Variants in TRABD2A observed in about 807,000 individuals in gnomAD.
TRABD2A encodes TraB domain containing 2A.
TRABD2A carries 43 observed loss-of-function variants against 45.6 expected under a neutral mutation model. The observed-to-expected ratio is 0.94, with a 90% confidence interval of 0.74 to 1.22. The LOEUF (loss-of-function observed/expected upper bound fraction) is 1.22, where lower values mean the gene tolerates loss of function less well. TRABD2A is among the 50% of genes most tolerant of loss of function. The pLI, the probability that TRABD2A is intolerant of heterozygous loss-of-function variation, is 0.00. For synonymous variants in TRABD2A, 269 were observed against 265.0 expected (o/e 1.02, Z -0.15); for missense variants, 642 against 652.4 (o/e 0.98, Z 0.17).
chr2:84,830,828 G>C lies in TRABD2A; in HGVS notation c.1082+1227C>G, dbSNP rs997994304. Among the ~76,000 whole-genome samples the C allele has an allele frequency of 3.9e-5, 6 of 152,166 alleles. No homozygotes were observed. The highest frequency in any genetic ancestry group is 8.8e-5 in the Non-Finnish European group (6 of 68,028). On this transcript the variant is annotated intron_variant, in intron 5 of 6. Coordinates refer to ENST00000409520, the MANE Select transcript of TRABD2A (RefSeq NM_001277053.2). This position sits in a 1 kb window ranked among gnomAD's most constrained non-coding sequence, Gnocchi z 4.9. Reference sequence around the variant, plus strand: ...AACAGGGAGACAAGGTGCAGTGAAGGGGGGCCTTCTGAGGAGAAAGAGGGC... The same window carrying C: ...AACAGGGAGACAAGGTGCAGTGAAGCGGGGCCTTCTGAGGAGAAAGAGGGC...
intron 1 of TRABD2A, among the ~76,000 whole-genome samples, chr2:84,879,129 T>A (rs1221314474): frequency 1.3e-5 from 2 of 152,192 alleles, no homozygotes; most frequent in Non-Finnish European, 2.9e-5. Flanking sequence ...TGTTGTGTTT[T>A]ACTACTATCT....
intron 5 of TRABD2A, among the ~76,000 whole-genome samples, chr2:84,828,885 G>C (rs1363592992): frequency 3.3e-5 from 5 of 152,320 alleles, no homozygotes; most frequent in Admixed American, 2.0e-4. Context: ...GGAGGAAGAT[G>C]TGGCAATTGT....
chr2:84,829,295 G>C (rs1024271461), intron 5 of TRABD2A, among the ~76,000 whole-genome samples: 2 of 151,446 alleles, frequency 1.3e-5, no homozygotes, highest in African/African-American at 2.4e-5. Context: ...ACGGATTCCT[G>C]ACCTTCCTTT....
chr2:84,847,524 T>C (rs1205505812), intron 2 of TRABD2A, among the ~76,000 whole-genome samples: 1 of 152,170 alleles, frequency 6.6e-6, no homozygotes, highest in East Asian at 1.9e-4. Flanking sequence ...GTACAAGGAC[T>C]GTTGTTCCTG....
At chr2:84,842,084 G>C in intron 2 of TRABD2A, 77 bp from the exon 3 acceptor site, 1 of 1,390,080 alleles carries the variant, frequency 7.2e-7, no homozygotes, top group Non-Finnish European at 9.4e-7. Context: ...TCCATGGCTG[G>C]AAATACCTTC....
At chr2:84,854,212 T>C (rs901829050) in intron 2 of TRABD2A, among the ~76,000 whole-genome samples, 6 of 152,156 alleles carry the variant, frequency 3.9e-5, no homozygotes, top group African/African-American at 1.4e-4. Flanking sequence ...GCGTAGGTTA[T>C]ATCCAAATGC....
intron 5 of TRABD2A, among the ~76,000 whole-genome samples, chr2:84,829,722 T>A (rs60480618): frequency 0.018 from 2,611 of 143,476 alleles, 60 homozygotes; most frequent in African/African-American, 0.061. Flanking sequence ...ACCACACACA[T>A]GCACAGTACC....
intron 2 of TRABD2A, among the ~76,000 whole-genome samples, chr2:84,845,568 GGC>G (rs386648049): frequency 5.5e-5 from 8 of 145,612 alleles, no homozygotes; most frequent in African/African-American, 1.7e-4. Flanking sequence ...GGGAGACAAG[GGC>G]GGGGGAAGAA....
At chr2:84,836,369 C>G (rs1292067251) in intron 4 of TRABD2A, 2 of 152,198 alleles carry the variant, frequency 1.3e-5, no homozygotes, top group Non-Finnish European at 2.9e-5. Flanking sequence ...TTGAGTATGT[C>G]TCCCATAGCC....
chr2:84,863,604 T>C (rs1389135264), intron 2 of TRABD2A, among the ~76,000 whole-genome samples: 22 of 88,220 alleles, frequency 2.5e-4, no homozygotes, highest in Non-Finnish European at 3.7e-4. Flanking sequence ...TTTCTTTTTT[T>C]TTTTTTTTTT....
chr2:84,832,079 G>T lies in TRABD2A; in HGVS notation c.1058C>A (p.Ala353Asp). Residue 353 changes from alanine (A) to aspartate (D), a missense_variant, in exon 5 of 7, where the codon GCC becomes GAC. Ala to Asp is a moderately radical substitution (Grantham distance 126, BLOSUM62 -2). Transcript: ENST00000409520. ...CTTGTGGATGGGTCGTCCAGCAGGG[G>T]CGTGTTCTACCTCATAGCCTTCACG... Reference protein sequence around the residue: ...LRREGYEVEHAPAGRPIHKGK... With the variant: ...LRREGYEVEHDPAGRPIHKGK... The T allele has an allele frequency of 6.2e-7, 1 of 1,614,028 alleles. No individual in the cohort carries two copies. The highest frequency in any genetic ancestry group is 8.5e-7 in the Non-Finnish European group (1 of 1,179,902).
intron 4 of TRABD2A, chr2:84,833,163 T>C (rs987863136): frequency 2.6e-5 from 4 of 152,200 alleles, no homozygotes; most frequent in African/African-American, 9.7e-5. Context: ...GGCAAAACCA[T>C]TCCCTCCCAT....
chr2:84,876,308 G>T lies in TRABD2A; in HGVS notation c.108+4624C>A, dbSNP rs568625198. The stretch of plus-strand genomic sequence containing the variant: ...CCAACAGGATGTCCACAGGAGAAAA[G>T]TTCTAGGAATAGACTCAGGGCCCTC... On this transcript the variant is annotated intron_variant, in intron 1 of 6. Transcript: ENST00000409520. Among the ~76,000 whole-genome samples, 5 of 152,280 alleles carry T rather than the reference G, an allele frequency of 3.3e-5. No homozygotes were observed. In the South Asian group the frequency reaches 8.3e-4, roughly 25 times the overall value.
intron 3 of TRABD2A, among the ~76,000 whole-genome samples, 171 bp downstream of exon 3, chr2:84,841,690 A>C (rs564174195): frequency 6.6e-6 from 1 of 152,356 alleles, no homozygotes; most frequent in African/African-American, 2.4e-5. Flanking sequence ...AGGTTTGTAA[A>C]GCTTTCATTC....
At chr2:84,870,824 G>A in intron 1 of TRABD2A, 39 bp from the exon 2 acceptor site, 1 of 1,497,826 alleles carries the variant, frequency 6.7e-7, no homozygotes, top group Non-Finnish European at 9.0e-7. Context: ...ATAATATGGG[G>A]GAGAGGCATG....
chr2:84,828,565 T>C (rs1485124816), intron 5 of TRABD2A, among the ~76,000 whole-genome samples: 1 of 152,098 alleles, frequency 6.6e-6, no homozygotes, highest in Non-Finnish European at 1.5e-5. Flanking sequence ...GAACAGGAGC[T>C]CCTTTGGAGA....
At position 84,821,792 on chromosome 2, in the gene TRABD2A, G is replaced by GGCC. The variant is rs1681006677; in HGVS notation, c.*122_*124dup. On this transcript the variant is annotated 3_prime_UTR_variant, in exon 7 of 7. Transcript: ENST00000409520. ...CTTGGAAAGAGAAGAATCAACACTG[G>GGCC]GCCGCTTTTTCAAGAGCAGTCTCTT... 5.8e-6 allele frequency: 6 copies of GGCC among 1,034,602 alleles called. No individual in the cohort carries two copies. In the East Asian group the frequency reaches 1.8e-4, roughly 32 times the overall value. The allele number at this position is 1,034,602 out of a possible 1,614,324, so 64.1% of individuals were successfully genotyped here. A position where few individuals can be genotyped will look rare whatever the true frequency, so the allele number is the denominator to read the frequency against.
At chr2:84,864,737 C>T (rs1682619672) in intron 2 of TRABD2A, among the ~76,000 whole-genome samples, 1 of 152,146 alleles carries the variant, frequency 6.6e-6, no homozygotes, top group South Asian at 2.1e-4. Context: ...TCTTAAGACC[C>T]ATGGCACTGA....
At chr2:84,863,337 T>C (rs1040229650) in intron 2 of TRABD2A, among the ~76,000 whole-genome samples, 10 of 141,092 alleles carry the variant, frequency 7.1e-5, no homozygotes, top group Admixed American at 3.8e-4. Context: ...CTCCGCCTCC[T>C]GGGTTCACAC....
Sources: gnomAD v4.1 joint callset for allele counts (sites outside exome capture counted in the v4.1 genomes callset) on GRCh38, gnomAD v4.1.1 for gene constraint, Gnocchi (gnomAD v3.1) non-coding constraint, MANE v1.5 for transcripts, NCBI Gene and HGNC (gene_info 2026-07-23, HGNC 2026-07-21) for gene names.